Variants in MDM2 observed in about 807,000 individuals in gnomAD.
MDM2 encodes E3 ubiquitin-protein ligase Mdm2.
Under a neutral mutation model 64.3 loss-of-function variants are expected in MDM2, and 11 were observed. That is an observed-to-expected ratio of 0.17 (90% CI 0.11 to 0.28). MDM2 has a LOEUF of 0.28. Among genes scored for constraint, MDM2 ranks in the 10% least tolerant of loss-of-function variants. The pLI is 1.00. For synonymous variants in MDM2, 194 were observed against 192.9 expected (o/e 1.01, Z -0.05); for missense variants, 388 against 577.1 (o/e 0.67, Z 3.36).
intron 1 of MDM2, among the ~76,000 whole-genome samples, chr12:68,808,786 G>A (rs1880592992): frequency 6.6e-6 from 1 of 152,226 alleles, no homozygotes; most frequent in Admixed American, 6.5e-5. Context: ...GGGGCCGGGG[G>A]CTGCGGGGCC....
rs1592609413 is a variant in MDM2 at position 68,843,925 on chromosome 12, C to T, written c.*4076C>T. ...AGAACCTAGTAGAATCTGTTTTTTT[C>T]CTTTGGAGGTCCTCAAAGCATTATT... On this transcript the variant is annotated 3_prime_UTR_variant, in exon 11 of 11. Transcript: ENST00000258149. 5 of 211,370 alleles carry T rather than the reference C, an allele frequency of 2.4e-5. No individual in the cohort carries two copies. The East Asian group carries it at 3.6e-4, about 15-fold the overall frequency. The allele number at this position is 211,370 out of a possible 1,614,324, so 13.1% of individuals were successfully genotyped here. A position where few individuals can be genotyped will look rare whatever the true frequency, so the allele number is the denominator to read the frequency against.
At chr12:68,822,371 C>CT (rs142480058) in intron 5 of MDM2, among the ~76,000 whole-genome samples, 109,111 of 146,064 alleles carry the variant, frequency 0.75, 41,984 homozygotes, top group South Asian at 0.84. Flanking sequence ...TTTTAAAGCT[C>CT]TTTTTTTTTT....
chr12:68,808,565 C>T (rs1212173016), intron 1 of MDM2, 74 bp downstream of exon 1: 7 of 1,601,572 alleles, frequency 4.4e-6, no homozygotes, highest in Admixed American at 1.7e-5. Flanking sequence ...TGGTTCCCAG[C>T]CTCTGCCCGT....
chr12:68,840,237 C>A lies in MDM2; in HGVS notation c.*388C>A, dbSNP rs528106904. 15 of 189,796 alleles carry A rather than the reference C, an allele frequency of 7.9e-5. No homozygotes were observed. Among genetic ancestry groups the A allele is most frequent in the South Asian group, 1.5e-4 (1 of 6,672 alleles). The allele number at this position is 189,796 out of a possible 1,614,324, so 11.8% of individuals were successfully genotyped here. A position where few individuals can be genotyped will look rare whatever the true frequency, so the allele number is the denominator to read the frequency against. ...TTGGCTCACTGCAAGCTCTGCCTCC[C>A]GGGTTCGCACCATTCTCCTGCCTCA... On this transcript the variant is annotated 3_prime_UTR_variant, in exon 11 of 11. Coordinates refer to ENST00000258149, the MANE Select transcript of MDM2 (RefSeq NM_002392.6).
In MDM2 at chr12:68,839,946, G is replaced by C; in HGVS notation, c.*97G>C. ...TTCACATATATCAAAGTGAGAAAATGCCTCAATTCACATAGATTTCTTCTC... is the reference window on the plus strand; with the variant it reads ...TTCACATATATCAAAGTGAGAAAATCCCTCAATTCACATAGATTTCTTCTC... On this transcript the variant is annotated 3_prime_UTR_variant, in exon 11 of 11. Coordinates refer to ENST00000258149, the MANE Select transcript of MDM2 (RefSeq NM_002392.6). 9.1e-7 allele frequency: 1 copy of C among 1,102,844 alleles called. No individual in the cohort carries two copies. The highest frequency in any genetic ancestry group is 1.3e-6 in the Non-Finnish European group (1 of 783,368). The allele number at this position is 1,102,844 out of a possible 1,614,324, so 68.3% of individuals were successfully genotyped here. A position where few individuals can be genotyped will look rare whatever the true frequency, so the allele number is the denominator to read the frequency against.
At chr12:68,823,220 C>T (rs1008039609) in intron 5 of MDM2, among the ~76,000 whole-genome samples, 1 of 151,492 alleles carries the variant, frequency 6.6e-6, no homozygotes, top group African/African-American at 2.4e-5. Flanking sequence ...AATGTCCAGG[C>T]ATGAGTTCAC....
At chr12:68,825,292 G>A (rs1882220213) in intron 7 of MDM2, among the ~76,000 whole-genome samples, 3 of 152,124 alleles carry the variant, frequency 2.0e-5, no homozygotes, top group Non-Finnish European at 4.4e-5. Context: ...TTTTTAAATT[G>A]TTATTTTTAA....
Position 68,825,335 on chromosome 12 carries a change from CAG to C in MDM2, c.523+686_523+687del, listed in dbSNP as rs145314232. ...TAGTACATACCTATGAGTTTTAAAA[CAG>C]AAAGTAAATAGCATTTTAGAAATGA... On this transcript the variant is annotated intron_variant, in intron 7 of 10. Coordinates refer to ENST00000258149, the MANE Select transcript of MDM2 (RefSeq NM_002392.6). Among the ~76,000 whole-genome samples, 317 of 152,094 alleles carry C rather than the reference CAG, an allele frequency of 2.1e-3. 1 individual carries two copies. Among genetic ancestry groups the C allele is most frequent in the African/African-American group, 7.3e-3 (302 of 41,498 alleles).
chr12:68,819,726 G>A (rs1035844993), intron 4 of MDM2, among the ~76,000 whole-genome samples: 1 of 152,190 alleles, frequency 6.6e-6, no homozygotes, highest in Admixed American at 6.5e-5. Context: ...CCAGGCCTCG[G>A]GTGATCTGCC....
intron 8 of MDM2, among the ~76,000 whole-genome samples, chr12:68,834,407 A>T (rs1024195869): frequency 6.6e-6 from 1 of 150,914 alleles, no homozygotes; most frequent in Non-Finnish European, 1.5e-5. Flanking sequence ...ATGCCACTGC[A>T]TTTCATCTTG....
intron 4 of MDM2, among the ~76,000 whole-genome samples, chr12:68,818,553 TTATAA>T (rs995851722): frequency 6.2e-5 from 9 of 146,116 alleles, no homozygotes; most frequent in Non-Finnish European, 1.0e-4. Context: ...ATATTATATA[TTATAA>T]TATACATATA....
chr12:68,828,005 C>T (rs190743250), intron 7 of MDM2: 66 of 152,260 alleles, frequency 4.3e-4, no homozygotes, highest in African/African-American at 1.5e-3. Flanking sequence ...GTGGTGTGCA[C>T]CTTTAATCCC....
At chr12:68,848,698 C>A (rs117383222), downstream of MDM2, 1,649 of 152,236 alleles carry the variant, frequency 0.011, 10 homozygotes, top group Non-Finnish European at 0.015. Flanking sequence ...AAGACCAAAT[C>A]TCTTCAAAGT....
intron 7 of MDM2, among the ~76,000 whole-genome samples, chr12:68,826,917 C>T (rs1279288216): frequency 2.0e-5 from 3 of 152,188 alleles, no homozygotes; most frequent in South Asian, 2.1e-4. Flanking sequence ...TGGCTCACGC[C>T]TGTAATCCCA....
At chr12:68,824,531 T>C (rs765690888) in intron 6 of MDM2, 24 bp from the exon 7 acceptor site, 1 of 1,603,086 alleles carries the variant, frequency 6.2e-7, no homozygotes. Context: ...TTTGTTGTAT[T>C]TTATTTTTTT....
intron 5 of MDM2, among the ~76,000 whole-genome samples, chr12:68,823,731 C>A (rs573686686): frequency 6.6e-5 from 10 of 152,238 alleles, no homozygotes; most frequent in Admixed American, 2.0e-4. Flanking sequence ...GTAATATTTT[C>A]TGTGAGCTAG....
At chr12:68,833,332 A>AATATATATATTTATAT (rs1315066397) in intron 8 of MDM2, among the ~76,000 whole-genome samples, 2 of 66,012 alleles carry the variant, frequency 3.0e-5, no homozygotes, top group African/African-American at 9.5e-5. Context: ...TATAAATATA[A>AATATATATATTTATAT]AAATATATAT....
chr12:68,846,659 T>C (rs1010467458), downstream of MDM2: 4 of 152,214 alleles, frequency 2.6e-5, no homozygotes, highest in African/African-American at 7.2e-5. Context: ...AACTTGCTTT[T>C]TGGATTTTAT....
At chr12:68,834,086 C>A (rs898550780) in intron 8 of MDM2, among the ~76,000 whole-genome samples, 2 of 152,136 alleles carry the variant, frequency 1.3e-5, no homozygotes, top group Non-Finnish European at 2.9e-5. Flanking sequence ...AAAACTGATA[C>A]AGATATGGAA....
Sources: allele counts gnomAD v4.1 joint callset (sites outside exome capture counted in the v4.1 genomes callset), GRCh38; gene constraint gnomAD v4.1.1; transcripts MANE v1.5; gene names NCBI Gene and HGNC (gene_info 2026-07-23, HGNC 2026-07-21).